STIM2: variants seen among roughly 807,000 people sequenced by gnomAD.
STIM2 encodes stromal interaction molecule 2.
In STIM2, 31 loss-of-function variants were observed where a neutral mutation model predicts 85.8. The ratio of observed to expected loss-of-function variants is 0.36; its 90% CI spans 0.27 to 0.49. The LOEUF is 0.49. Ranked by LOEUF, STIM2 falls within the 20% of genes least tolerant of loss-of-function variation. STIM2 has a pLI of 0.98. For missense variants in STIM2, 841 were observed against 927.6 expected (o/e 0.91, Z 1.21); for synonymous variants, 356 against 331.1 (o/e 1.08, Z -0.82).
At chr4:26,946,722 A>G in intron 2 of STIM2, among the ~76,000 whole-genome samples, 1 of 152,204 alleles carries the variant, frequency 6.6e-6, no homozygotes, top group Non-Finnish European at 1.5e-5. Context: ...CTTAATCTTT[A>G]GAAAAAGGAT....
intron 3 of STIM2, among the ~76,000 whole-genome samples, chr4:26,991,653 GTA>G (rs1297210553): frequency 6.6e-6 from 1 of 152,018 alleles, no homozygotes; most frequent in Admixed American, 6.6e-5. Context: ...ATCACACATT[GTA>G]TACGTGTATC....
intron 10 of STIM2, among the ~76,000 whole-genome samples, chr4:27,011,643 A>G (rs1487905282): frequency 2.6e-5 from 4 of 152,164 alleles, no homozygotes; most frequent in Admixed American, 6.5e-5. Flanking sequence ...CTTGTTTTGC[A>G]ACTCGAATGC....
At chr4:26,977,585 A>G (rs773128864) in intron 3 of STIM2, among the ~76,000 whole-genome samples, 11 of 152,192 alleles carry the variant, frequency 7.2e-5, no homozygotes, top group Non-Finnish European at 1.2e-4. Context: ...GTCTGATTTC[A>G]TGATATATTT....
intron 1 of STIM2, among the ~76,000 whole-genome samples, chr4:26,863,912 C>T (rs1030002220): frequency 1.8e-4 from 27 of 152,134 alleles, no homozygotes; most frequent in Non-Finnish European, 3.8e-4. Flanking sequence ...TAATACTTAC[C>T]TTTAGAAGCT....
At chr4:26,959,723 T>C (rs1305650261) in intron 3 of STIM2, among the ~76,000 whole-genome samples, 1 of 152,090 alleles carries the variant, frequency 6.6e-6, no homozygotes, top group Non-Finnish European at 1.5e-5. Context: ...TTTTTTTTTT[T>C]TTTAAGCTAA....
At chr4:27,012,387 C>A (rs7669818) in intron 10 of STIM2, among the ~76,000 whole-genome samples, 88,359 of 151,702 alleles carry the variant, frequency 0.58, 26,683 homozygotes, top group Middle Eastern at 0.67. Context: ...TTATCGAGAT[C>A]TTTTCTATCT....
intron 10 of STIM2, among the ~76,000 whole-genome samples, chr4:27,010,012 G>T (rs1277619324): frequency 4.6e-5 from 7 of 152,046 alleles, no homozygotes; most frequent in Admixed American, 2.0e-4. Flanking sequence ...CAGAGGTATT[G>T]GATATCCATA....
intron 2 of STIM2, among the ~76,000 whole-genome samples, chr4:26,939,880 GT>G (rs1725535907): frequency 6.6e-6 from 1 of 152,322 alleles, no homozygotes; most frequent in African/African-American, 2.4e-5. Context: ...TGAGTTAACT[GT>G]CTAGTAGGGC....
In STIM2 at chr4:27,007,686, A is replaced by G. The variant is rs761365736; in HGVS notation, c.1135A>G (p.Ile379Val). The G allele has an allele frequency of 2.5e-6, 4 of 1,571,848 alleles. No individual in the cohort carries two copies. The highest frequency in any genetic ancestry group is 2.7e-5 in the African/African-American group (2 of 73,094). ...ACAAAACGCTGAAATGCAGCTAGCT[A>G]TTGCTAAAGATGAGGTACTCTCTTG... is the stretch of plus-strand genomic sequence containing the variant. The change falls in exon 8 of 12, where the codon ATT (isoleucine) becomes GTT (valine). Residue 379 changes from isoleucine to valine, a missense_variant. Physicochemically the swap from Ile to Val is conservative, Grantham distance 29 (BLOSUM62 3). Coordinates refer to ENST00000467087, the MANE Select transcript of STIM2 (RefSeq NM_020860.4).
intron 1 of STIM2, among the ~76,000 whole-genome samples, chr4:26,876,435 G>A (rs1472247793): frequency 6.6e-6 from 1 of 152,046 alleles, no homozygotes; most frequent in Admixed American, 6.6e-5. Context: ...CATTTTAAAA[G>A]TCTTAAAACT....
intron 3 of STIM2, among the ~76,000 whole-genome samples, chr4:26,981,788 G>A (rs552776657): frequency 6.6e-6 from 1 of 152,236 alleles, no homozygotes; most frequent in Admixed American, 6.5e-5. Flanking sequence ...TTAGACCCAG[G>A]TTATGCATTT....
intron 2 of STIM2, among the ~76,000 whole-genome samples, chr4:26,948,617 C>G (rs1165010820): frequency 6.6e-6 from 1 of 152,054 alleles, no homozygotes; most frequent in Non-Finnish European, 1.5e-5. Flanking sequence ...AATCTTAACC[C>G]CTCCCCAAAA....
chr4:26,953,958 G>T (rs1223540573), intron 2 of STIM2, among the ~76,000 whole-genome samples: 1 of 152,054 alleles, frequency 6.6e-6, no homozygotes, highest in East Asian at 1.9e-4. Context: ...TCTAGGTGAG[G>T]TGTCTGTCAG....
At chr4:26,987,988 A>G (rs1214784579) in intron 3 of STIM2, among the ~76,000 whole-genome samples, 1 of 152,202 alleles carries the variant, frequency 6.6e-6, no homozygotes, top group Non-Finnish European at 1.5e-5. Context: ...CTGTGTGACC[A>G]TGTGTGTGAT....
chr4:26,948,615 C>T (rs949623610), intron 2 of STIM2, among the ~76,000 whole-genome samples: 5 of 152,082 alleles, frequency 3.3e-5, no homozygotes, highest in African/African-American at 9.7e-5. Flanking sequence ...AAAATCTTAA[C>T]CCCTCCCCAA....
intron 1 of STIM2, among the ~76,000 whole-genome samples, chr4:26,869,001 G>T (rs918982852): frequency 6.6e-6 from 1 of 152,038 alleles, no homozygotes; most frequent in Non-Finnish European, 1.5e-5. Flanking sequence ...TGTTTATTCC[G>T]TGTTTGTTTG....
Position 26,980,707 on chromosome 4 carries a change from C to T in STIM2, c.398-14672C>T, listed in dbSNP as rs575750382. ...TTAAACTAATGTAATCACTGTGTTT[C>T]TAAAAAGACTGCTAAAATTTCAGAT... On this transcript the variant is annotated intron_variant, in intron 3 of 11. Coordinates refer to ENST00000467087, the MANE Select transcript of STIM2 (RefSeq NM_020860.4). Among the ~76,000 whole-genome samples the T allele has an allele frequency of 2.6e-5, 4 of 152,228 alleles. No homozygotes were observed. The South Asian group carries it at 8.3e-4, about 32-fold the overall frequency.
At chr4:26,917,565 G>A (rs1026081096) in intron 1 of STIM2, among the ~76,000 whole-genome samples, 25 of 145,434 alleles carry the variant, frequency 1.7e-4, no homozygotes, top group African/African-American at 5.6e-4. Context: ...TATGAAATAC[G>A]CCTATTTAAA....
chr4:26,946,028 A>C (rs773685278), intron 2 of STIM2, among the ~76,000 whole-genome samples: 1 of 152,188 alleles, frequency 6.6e-6, no homozygotes, highest in Non-Finnish European at 1.5e-5. Flanking sequence ...ACATGCAAAA[A>C]TCATTATTTT....
Sources: gnomAD v4.1 joint callset for allele counts (sites outside exome capture counted in the v4.1 genomes callset) on GRCh38, gnomAD v4.1.1 for gene constraint, MANE v1.5 for transcripts, NCBI Gene and HGNC (gene_info 2026-07-23, HGNC 2026-07-21) for gene names.